The following VEPH1 variants were observed in gnomAD, a reference collection of about 807,000 sequenced individuals.
VEPH1 encodes ventricular zone expressed PH domain containing 1.
A neutral mutation model predicts 85.2 loss-of-function variants in VEPH1; 80 were observed. The observed-to-expected ratio is 0.94, with a 90% CI of 0.78 to 1.13. VEPH1 has a LOEUF of 1.13. Ranked by LOEUF, VEPH1 falls within the 50% of genes most tolerant of loss-of-function variation. The probability of loss-of-function intolerance (pLI) is 0.00; values close to 1 mark genes in which losing one functional copy is unlikely to be tolerated. For missense variants in VEPH1, 955 were observed against 980.5 expected, an observed-to-expected ratio of 0.97 and a Z score of 0.35; for synonymous variants, 297 against 348.0, an observed-to-expected ratio of 0.85 and a Z score of 1.63.
intron 6 of VEPH1, among the ~76,000 whole-genome samples, chr3:157,385,219 CAAA>C (rs66539962): frequency 4.4e-5 from 6 of 135,476 alleles, no homozygotes; most frequent in Non-Finnish European, 4.8e-5. Flanking sequence ...CTCCTCCCAT[CAAA>C]AAAAAAAAAA....
rs73156791 is a variant in VEPH1 at position 157,402,951 on chromosome 3, G to A, written c.906+10930C>T. On this transcript the variant is annotated intron_variant, in intron 6 of 13. Transcript: ENST00000362010. ...TGTTAGATGCATATTTTCTTAGAGG[G>A]CTTCAGCTCTGTTCATGTAAACCAG... is the stretch of plus-strand genomic sequence containing the variant. Among the ~76,000 whole-genome samples the A allele has an allele frequency of 1.8e-3, 273 of 152,196 alleles. 5 individuals are homozygous for A. Among genetic ancestry groups the A allele is most frequent in the South Asian group, 0.015 (72 of 4,822 alleles).
At position 157,381,510 on chromosome 3, in the gene VEPH1, G is replaced by A. The variant is rs543269498; in HGVS notation, c.907-134C>T. On this transcript the variant is annotated intron_variant, in intron 6 of 13. Transcript: ENST00000362010. ...GCTTGGAACTCCTGATCGAGAACAG[G>A]AGTTTGCAACCAGCCTGGGCAACAT... 121 of 840,602 alleles carry A rather than the reference G, an allele frequency of 1.4e-4. 1 individual carries two copies. In the South Asian group the frequency reaches 1.9e-3, roughly 13 times the overall value. 52.1% of individuals were successfully genotyped at this position (840,602 alleles called of 1,614,324 possible).
intron 2 of VEPH1, among the ~76,000 whole-genome samples, chr3:157,477,197 T>G (rs116606697): frequency 6.6e-6 from 1 of 151,586 alleles, no homozygotes; most frequent in South Asian, 2.1e-4. Context: ...GGCATTTTTT[T>G]TTTTTTTAAT....
At chr3:157,324,403 T>C (rs975123303) in intron 9 of VEPH1, among the ~76,000 whole-genome samples, 1 of 152,134 alleles carries the variant, frequency 6.6e-6, no homozygotes, top group African/African-American at 2.4e-5. Context: ...ATTTGTTACA[T>C]GTGGCATGGT....
At chr3:157,463,630 G>A (rs1560082748) in intron 3 of VEPH1, among the ~76,000 whole-genome samples, 2 of 152,168 alleles carry the variant, frequency 1.3e-5, no homozygotes, top group Non-Finnish European at 2.9e-5. Context: ...AGCTTTAGAA[G>A]TCAGGGCACG....
At chr3:157,417,704 T>A (rs1243874622) in intron 5 of VEPH1, among the ~76,000 whole-genome samples, 1 of 152,134 alleles carries the variant, frequency 6.6e-6, no homozygotes, top group Non-Finnish European at 1.5e-5. Flanking sequence ...ATCTCAAATC[T>A]CTACTTCTTG....
chr3:157,323,455 G>A (rs1721569331), intron 9 of VEPH1, among the ~76,000 whole-genome samples: 1 of 152,144 alleles, frequency 6.6e-6, no homozygotes, highest in South Asian at 2.1e-4. Context: ...CGTAGGTAAT[G>A]GAAAAGAGGA....
intron 9 of VEPH1, among the ~76,000 whole-genome samples, chr3:157,361,298 A>C (rs1280613098): frequency 1.3e-5 from 2 of 152,236 alleles, no homozygotes; most frequent in Non-Finnish European, 2.9e-5. Context: ...CACTTTTGAA[A>C]GTGTCAGATT....
intron 5 of VEPH1, among the ~76,000 whole-genome samples, chr3:157,422,469 T>C (rs1316398564): frequency 6.6e-6 from 1 of 152,184 alleles, no homozygotes; most frequent in East Asian, 1.9e-4. Context: ...TCACTATTAG[T>C]GCCATTGTCT....
rs575513132 is a variant in VEPH1, at chr3:157,414,149, A to G, written c.697-59T>C. ...GAAGGAAGAAAGAGAAAAGTTAATT[A>G]AATTGGAATTAATTTTGAAAGCAAA... On this transcript the variant is annotated intron_variant, in intron 5 of 13. Coordinates refer to ENST00000362010, the MANE Select transcript of VEPH1 (RefSeq NM_001167912.2). 1.8e-5 allele frequency: 24 copies of G among 1,367,308 alleles called. No homozygotes were observed. The South Asian group carries it at 2.9e-4, about 16-fold the overall frequency. The allele number at this position is 1,367,308 out of a possible 1,614,324, so 84.7% of individuals were successfully genotyped here.
chr3:157,415,985 C>T (rs1057104788), intron 5 of VEPH1, among the ~76,000 whole-genome samples: 13 of 152,102 alleles, frequency 8.5e-5, no homozygotes, highest in African/African-American at 2.2e-4. Context: ...TGAGCAGGTC[C>T]TTCACATGCT....
intron 4 of VEPH1, among the ~76,000 whole-genome samples, chr3:157,450,436 A>G (rs983287818): frequency 5.9e-5 from 9 of 151,966 alleles, no homozygotes; most frequent in African/African-American, 2.2e-4. Context: ...CCTTTCTGTT[A>G]TAACTTTCAT....
At chr3:157,379,231 T>C (rs1370156388) in intron 7 of VEPH1, among the ~76,000 whole-genome samples, 5 of 152,222 alleles carry the variant, frequency 3.3e-5, no homozygotes, top group African/African-American at 4.8e-5. Flanking sequence ...CTTACTTTCC[T>C]GCCCTACTGA....
At chr3:157,437,442 GT>G (rs1733690330) in intron 4 of VEPH1, 2 of 1,541,070 alleles carry the variant, frequency 1.3e-6, no homozygotes, top group Non-Finnish European at 1.7e-6. Context: ...ACCGAGGGAG[GT>G]CAGCTTTTAC....
At chr3:157,311,921 C>T (rs2108507569) in intron 11 of VEPH1, among the ~76,000 whole-genome samples, 1 of 152,258 alleles carries the variant, frequency 6.6e-6, no homozygotes, top group African/African-American at 2.4e-5. Context: ...TTTAATACTG[C>T]ATGTTGAATT....
At chr3:157,326,862 C>G (rs957126492) in intron 9 of VEPH1, among the ~76,000 whole-genome samples, 11 of 152,218 alleles carry the variant, frequency 7.2e-5, no homozygotes, top group African/African-American at 2.7e-4. Context: ...ATTAAAAGCA[C>G]AGCTCCTGAA....
chr3:157,338,607 A>C (rs1023236706), intron 9 of VEPH1, among the ~76,000 whole-genome samples: 2 of 152,146 alleles, frequency 1.3e-5, no homozygotes, highest in African/African-American at 4.8e-5. Context: ...CATCTTAACT[A>C]TTCTGTTTCT....
chr3:157,327,869 G>A (rs1304595614), intron 9 of VEPH1, among the ~76,000 whole-genome samples: 2 of 152,170 alleles, frequency 1.3e-5, no homozygotes, highest in African/African-American at 4.8e-5. Context: ...CACAAGCAAT[G>A]TTTCTGCCCT....
chr3:157,408,605 G>A (rs886924845), intron 6 of VEPH1, among the ~76,000 whole-genome samples: 3 of 152,086 alleles, frequency 2.0e-5, no homozygotes, highest in Admixed American at 2.0e-4. Context: ...ATTGCAACAC[G>A]ACATAATTGA....
Sources: gnomAD v4.1 joint callset for allele counts (sites outside exome capture counted in the v4.1 genomes callset) on GRCh38, gnomAD v4.1.1 for gene constraint, MANE v1.5 for transcripts, NCBI Gene and HGNC (gene_info 2026-07-23, HGNC 2026-07-21) for gene names.